Variants in RDX observed in about 807,000 individuals in gnomAD.
RDX encodes the protein deafness, autosomal recessive 24.
A neutral mutation model predicts 83.7 loss-of-function variants in RDX; 32 were observed. That is an observed-to-expected ratio of 0.38 (90% confidence interval 0.29 to 0.51). RDX has a LOEUF of 0.51. Ranked by LOEUF, RDX falls within the 20% of genes least tolerant of loss-of-function variation. RDX has a pLI of 0.87. For synonymous variants in RDX, 229 were observed against 222.7 expected (o/e 1.03, Z -0.25); for missense variants, 600 against 689.9 (o/e 0.87, Z 1.46).
intron 13 of RDX, 31 bp from the exon 14 acceptor site, chr11:110,232,064 T>A (rs1199550087): frequency 6.4e-7 from 1 of 1,556,798 alleles, no homozygotes; most frequent in African/African-American, 1.4e-5. Context: ...ACAACTATTA[T>A]TTTTTTCTTA....
At position 110,182,254 on chromosome 11, in the gene RDX, T is replaced by G. The variant is rs181261921; in HGVS notation, c.*32-7020A>C. 1.2e-4 allele frequency among the ~76,000 whole-genome samples: 19 copies of G among 152,278 alleles called. No homozygotes were observed. In the East Asian group the frequency reaches 3.5e-3, roughly 28 times the overall value. Reference sequence around the variant, plus strand: ...GAGGGCAGAGACGCCTTCCAGCCACTCATTGTGCAGCATCTCCAGTGCCCA... The same window carrying G: ...GAGGGCAGAGACGCCTTCCAGCCACGCATTGTGCAGCATCTCCAGTGCCCA... On this transcript the variant is annotated intron_variant, in intron 15 of 15. Coordinates refer to the RDX transcript ENST00000528498.
chr11:110,179,772 A>T (rs894858306), intron 15 of RDX: 1 of 324,224 alleles, frequency 3.1e-6, no homozygotes, highest in African/African-American at 2.2e-5. Flanking sequence ...ATTCTGTCTA[A>T]AAAACAATTA....
At chr11:110,250,181 C>T (rs890238876) in intron 9 of RDX, among the ~76,000 whole-genome samples, 1 of 152,222 alleles carries the variant, frequency 6.6e-6, no homozygotes. Flanking sequence ...AAAGAAAGGC[C>T]TGGTGGCCCC....
At chr11:110,191,715 G>A (rs1863106774) in intron 15 of RDX, among the ~76,000 whole-genome samples, 1 of 152,150 alleles carries the variant, frequency 6.6e-6, no homozygotes, top group Admixed American at 6.5e-5. Flanking sequence ...AATTAGCCAG[G>A]TGTGGTGCTG....
chr11:110,208,680 C>G (rs948050655), intron 14 of RDX, among the ~76,000 whole-genome samples: 1 of 152,074 alleles, frequency 6.6e-6, no homozygotes, highest in Admixed American at 6.6e-5. Context: ...AAAAAATAGC[C>G]AGGTGTGGAG....
Position 110,230,278 on chromosome 11 carries a change from T to C in RDX, c.*1591A>G, listed in dbSNP as rs1190859984. ...CACACAGAGAAAACAAGGCTTTACGTATCTCCAAATTTAGCTGTTTTACAA... is the reference window on the plus strand; with the variant it reads ...CACACAGAGAAAACAAGGCTTTACGCATCTCCAAATTTAGCTGTTTTACAA... On this transcript the variant is annotated 3_prime_UTR_variant, in exon 14 of 14. Transcript: ENST00000645495. 6.6e-6 allele frequency: 1 copy of C among 152,134 alleles called. No homozygotes were observed. The highest frequency in any genetic ancestry group is 1.5e-5 in the Non-Finnish European group (1 of 67,986). The allele number at this position is 152,134 out of a possible 1,614,324, so 9.4% of individuals were successfully genotyped here.
intron 1 of RDX, among the ~76,000 whole-genome samples, chr11:110,295,798 G>C (rs984578052): frequency 9.9e-5 from 15 of 152,240 alleles, no homozygotes; most frequent in Non-Finnish European, 8.8e-5. Context: ...GCCCGAGAAA[G>C]TTACAGGGCT....
chr11:110,187,434 C>G (rs1317795369), intron 15 of RDX, among the ~76,000 whole-genome samples: 1 of 152,198 alleles, frequency 6.6e-6, no homozygotes, highest in Non-Finnish European at 1.5e-5. Context: ...CACCTTCCTA[C>G]CCAGATAGCC....
chr11:110,195,153 G>T (rs1055139495), intron 15 of RDX, among the ~76,000 whole-genome samples: 9 of 152,092 alleles, frequency 5.9e-5, no homozygotes, highest in Middle Eastern at 3.4e-3. Context: ...ACCATGCCCA[G>T]GGGGGTTTCA....
intron 14 of RDX, among the ~76,000 whole-genome samples, chr11:110,206,847 G>A (rs551367555): frequency 6.6e-6 from 1 of 152,358 alleles, no homozygotes; most frequent in South Asian, 2.1e-4. Context: ...TAAGGACACT[G>A]AGTAAAAGAA....
chr11:110,194,214 C>T (rs1863157445), intron 15 of RDX, among the ~76,000 whole-genome samples: 1 of 152,152 alleles, frequency 6.6e-6, no homozygotes, highest in South Asian at 2.1e-4. Flanking sequence ...TTTTAATACA[C>T]AAAAAGTAAT....
At chr11:110,175,371 C>A (rs548674145) in intron 15 of RDX, 1 of 152,226 alleles carries the variant, frequency 6.6e-6, no homozygotes, top group Non-Finnish European at 1.5e-5. Flanking sequence ...ACCTTTTATG[C>A]TGAAGCAGCT....
At position 110,231,014 on chromosome 11, in the gene RDX, A is replaced by G. The variant is rs752002973; in HGVS notation, c.*855T>C. The G allele has an allele frequency of 2.6e-5, 4 of 152,560 alleles. No homozygotes were observed. The highest frequency in any genetic ancestry group is 4.4e-5 in the Non-Finnish European group (3 of 68,016). 9.5% of individuals were successfully genotyped at this position (152,560 alleles called of 1,614,324 possible). ...GTATATTTTCTTTTTTTAACTAATCATTTGTTTTTCTAAATCAGTCTATAA... is the reference window on the plus strand; with the variant it reads ...GTATATTTTCTTTTTTTAACTAATCGTTTGTTTTTCTAAATCAGTCTATAA... On this transcript the variant is annotated 3_prime_UTR_variant, in exon 14 of 14. Coordinates refer to ENST00000645495, the MANE Select transcript of RDX (RefSeq NM_002906.4).
chr11:110,268,505 G>A (rs1860151884), intron 3 of RDX, among the ~76,000 whole-genome samples: 1 of 152,152 alleles, frequency 6.6e-6, no homozygotes, highest in Non-Finnish European at 1.5e-5. Flanking sequence ...TTCAAGCTTG[G>A]AGCGGCAGGA....
At position 110,254,081 on chromosome 11, in the gene RDX, C is replaced by T. The variant is rs962472148; in HGVS notation, c.824G>A (p.Arg275Lys). Residue 275 changes from arginine (R) to lysine (K), a missense_variant, in exon 9 of 14, where the codon AGA becomes AAA. Transcript: ENST00000645495. ...TAAGGCCAAAATCCGCTTATTGATT[C>T]TCAGACGAGGTGCATAAAACACAAA... The part of the protein sequence containing the change: ...PDFVFYAPRL[R>K]INKRILALCM... 3.1e-6 allele frequency: 5 copies of T among 1,613,662 alleles called. No homozygotes were observed. Among genetic ancestry groups the T allele is most frequent in the Non-Finnish European group, 4.2e-6 (5 of 1,179,810 alleles).
intron 14 of RDX, among the ~76,000 whole-genome samples, chr11:110,211,925 C>T (rs1409779856): frequency 2.7e-5 from 4 of 147,010 alleles, no homozygotes; most frequent in Non-Finnish European, 1.5e-5. Flanking sequence ...ATTAAAACAA[C>T]TAGAAAAGCA....
intron 15 of RDX, among the ~76,000 whole-genome samples, chr11:110,177,737 G>C (rs1862804818): frequency 6.6e-6 from 1 of 151,976 alleles, no homozygotes; most frequent in African/African-American, 2.4e-5. Context: ...GCCTGCCTCG[G>C]CGTCCCAAAG....
intron 10 of RDX, among the ~76,000 whole-genome samples, chr11:110,244,363 C>CAAAAAAAAAAAAAAAAAAAAAAAAAA (rs71053874): frequency 1.9e-5 from 1 of 51,292 alleles, no homozygotes. Flanking sequence ...GATTCTGGCT[C>CAAAAAAAAAAAAAAAAAAAAAAAAAA]AAAAAAAAAA....
intron 14 of RDX, among the ~76,000 whole-genome samples, chr11:110,208,711 C>T (rs1168559367): frequency 6.6e-6 from 1 of 152,072 alleles, no homozygotes; most frequent in Non-Finnish European, 1.5e-5. Flanking sequence ...ATAATCCCAA[C>T]ACTTTGGGAG....
Sources: allele counts gnomAD v4.1 joint callset (sites outside exome capture counted in the v4.1 genomes callset), GRCh38; gene constraint gnomAD v4.1.1; transcripts MANE v1.5; gene names NCBI Gene and HGNC (gene_info 2026-07-23, HGNC 2026-07-21).